The following REV1 variants were observed in gnomAD, a reference collection of about 807,000 sequenced individuals.
REV1 encodes translesion synthesis protein REV1.
In REV1, 42 loss-of-function variants were observed where a neutral mutation model predicts 137.4. That is an observed-to-expected ratio of 0.31 (90% CI 0.24 to 0.40). REV1 has a LOEUF of 0.40. REV1 is among the 10% of genes least tolerant of loss of function. The pLI, the probability that REV1 is intolerant of heterozygous loss-of-function variation, is 1.00. For missense variants in REV1, 1,282 were observed against 1,490.1 expected, an observed-to-expected ratio of 0.86 and a Z score of 2.30; for synonymous variants, 524 against 519.2, an observed-to-expected ratio of 1.01 and a Z score of -0.12.
At chr2:99,487,028 G>A (rs773793667) in intron 1 of REV1, among the ~76,000 whole-genome samples, 42 of 152,172 alleles carry the variant, frequency 2.8e-4, no homozygotes, top group Non-Finnish European at 5.3e-4. Flanking sequence ...AATTAGAAAA[G>A]GCCTGAGGCG....
chr2:99,414,217 G>A (rs1450652715), intron 12 of REV1, among the ~76,000 whole-genome samples: 1 of 152,144 alleles, frequency 6.6e-6, no homozygotes, highest in African/African-American at 2.4e-5. Context: ...CCTCCTGAGT[G>A]GTCTTCAGTA....
intron 1 of REV1, among the ~76,000 whole-genome samples, chr2:99,482,624 T>C (rs775230441): frequency 2.6e-5 from 4 of 152,188 alleles, no homozygotes; most frequent in Admixed American, 2.6e-4. Flanking sequence ...CCCAGGACTC[T>C]TAAGAGAATT....
intron 4 of REV1, 69 bp from the exon 5 acceptor site, chr2:99,442,538 A>T (rs1419355266): frequency 2.2e-6 from 3 of 1,386,126 alleles, no homozygotes; most frequent in Non-Finnish European, 2.0e-6. Context: ...AAAAATATTC[A>T]ATGTCCTTAA....
intron 13 of REV1, among the ~76,000 whole-genome samples, chr2:99,411,154 G>A (rs1030676019): frequency 2.0e-4 from 31 of 152,012 alleles, no homozygotes; most frequent in Admixed American, 6.6e-5. Flanking sequence ...CTGGCGTGGT[G>A]GCGGGTGCCT....
chr2:99,446,884 C>T (rs1212511330), intron 4 of REV1, among the ~76,000 whole-genome samples: 4 of 152,160 alleles, frequency 2.6e-5, no homozygotes, highest in Non-Finnish European at 5.9e-5. Flanking sequence ...TCCCCATTCC[C>T]TCCAAAGCCT....
chr2:99,451,545 T>A (rs889396282), intron 3 of REV1: 2 of 1,235,104 alleles, frequency 1.6e-6, no homozygotes, highest in African/African-American at 3.1e-5. Flanking sequence ...ATAAGACCGA[T>A]CTGAGTTTAA....
intron 1 of REV1, among the ~76,000 whole-genome samples, chr2:99,479,341 A>C (rs1345191702): frequency 2.0e-5 from 3 of 151,438 alleles, no homozygotes; most frequent in Admixed American, 1.3e-4. Context: ...AAAAAAAAAA[A>C]AAACAAAAAG....
chr2:99,478,227 CAAAAAAA>C (rs1418163424), intron 1 of REV1, among the ~76,000 whole-genome samples: 5 of 152,036 alleles, frequency 3.3e-5, no homozygotes, highest in Admixed American at 6.6e-5. Flanking sequence ...GACTCTGTCT[CAAAAAAA>C]TAAAAAATAG....
intron 1 of REV1, among the ~76,000 whole-genome samples, chr2:99,466,231 G>C (rs557308087): frequency 6.7e-6 from 1 of 150,342 alleles, no homozygotes. Context: ...GATTACAGGC[G>C]TAAGCCACCG....
At chr2:99,453,306 C>T (rs1344311882) in intron 3 of REV1, among the ~76,000 whole-genome samples, 1 of 151,010 alleles carries the variant, frequency 6.6e-6, no homozygotes, top group East Asian at 2.0e-4. Context: ...TTGCAATGAG[C>T]TGAGATTGTG....
intron 3 of REV1, among the ~76,000 whole-genome samples, chr2:99,454,118 C>T (rs1683248173): frequency 6.6e-6 from 1 of 151,620 alleles, no homozygotes; most frequent in Non-Finnish European, 1.5e-5. Context: ...ACCTCAACCT[C>T]CTGGTTCATG....
chr2:99,403,269 C>G, intron 19 of REV1, 163 bp from the exon 20 acceptor site: 1 of 626,740 alleles, frequency 1.6e-6, no homozygotes. Context: ...GCCCAAAGTA[C>G]AGGCTCTCCA....
At chr2:99,408,920 T>A (rs868795609) in intron 14 of REV1, among the ~76,000 whole-genome samples, 7 of 152,158 alleles carry the variant, frequency 4.6e-5, no homozygotes, top group African/African-American at 1.4e-4. Flanking sequence ...CCAGAAAAAA[T>A]TATTATAAAT....
chr2:99,410,154 G>A (rs1676939562), intron 14 of REV1, among the ~76,000 whole-genome samples: 1 of 152,020 alleles, frequency 6.6e-6, no homozygotes, highest in Non-Finnish European at 1.5e-5. Flanking sequence ...GGGACTACAG[G>A]CGAATGCCAC....
At chr2:99,457,609 AG>A (rs1344306821) in intron 3 of REV1, among the ~76,000 whole-genome samples, 8 of 49,480 alleles carry the variant, frequency 1.6e-4, no homozygotes, top group Non-Finnish European at 2.7e-4. Context: ...CGCTTGAGCC[AG>A]GGAGGCAGAG....
intron 1 of REV1, among the ~76,000 whole-genome samples, chr2:99,466,027 C>T (rs535043962): frequency 3.3e-5 from 5 of 152,168 alleles, no homozygotes; most frequent in African/African-American, 7.2e-5. Context: ...CTGCAAGCTC[C>T]GCCTCCCGGG....
intron 4 of REV1, among the ~76,000 whole-genome samples, chr2:99,448,894 GGCTATA>G (rs1682561568): frequency 6.6e-6 from 1 of 152,182 alleles, no homozygotes; most frequent in African/African-American, 2.4e-5. Context: ...CCAAATCCTA[GGCTATA>G]GTATTATCAA....
chr2:99,478,756 A>G (rs779478037), intron 1 of REV1, among the ~76,000 whole-genome samples: 1 of 152,200 alleles, frequency 6.6e-6, no homozygotes, highest in Non-Finnish European at 1.5e-5. Flanking sequence ...CTGTTAAAAC[A>G]CAAGATGCTG....
rs138909598 is a variant in REV1, at chr2:99,446,457, C to T, written c.350+2879G>A. 7.9e-5 allele frequency among the ~76,000 whole-genome samples: 12 copies of T among 152,254 alleles called. No individual in the cohort carries two copies. In the East Asian group the frequency reaches 1.5e-3, roughly 20 times the overall value. On this transcript the variant is annotated intron_variant, in intron 4 of 22. Transcript: ENST00000258428. The stretch of plus-strand genomic sequence containing the variant: ...CTAGGCGCATCTGGCAAAAAGAACA[C>T]GTGCAAAACAAGCAACTGTAATGGA...
Sources: gnomAD v4.1 joint callset for allele counts (sites outside exome capture counted in the v4.1 genomes callset) on GRCh38, gnomAD v4.1.1 for gene constraint, MANE v1.5 for transcripts, NCBI Gene and HGNC (gene_info 2026-07-23, HGNC 2026-07-21) for gene names.